The following FREM2 variants were observed in gnomAD, a reference collection of about 807,000 sequenced individuals.
FREM2 encodes FRAS1 related extracellular matrix 2, also known as FRAS1-related extracellular matrix protein 2.
In FREM2, 119 loss-of-function variants were observed where a neutral mutation model predicts 219.9. That is an observed-to-expected ratio of 0.54 (90% CI 0.47 to 0.63). The LOEUF is 0.63. FREM2 is among the 30% of genes least tolerant of loss of function. FREM2 has a pLI of 0.00. For missense variants in FREM2, 4,030 were observed against 3,993.6 expected (o/e 1.01, Z -0.25); for synonymous variants, 1,562 against 1,522.8 (o/e 1.03, Z -0.60).
At chr13:38,872,965 G>A (rs548221674) in intron 17 of FREM2, 31 bp downstream of exon 17, 1 of 1,601,820 alleles carries the variant, frequency 6.2e-7, no homozygotes, top group East Asian at 2.2e-5. Flanking sequence ...AAATTCTATA[G>A]TTTTGTAACC....
At chr13:38,856,068 TAG>T in intron 11 of FREM2, 56 bp from the exon 12 acceptor site, 5 of 847,354 alleles carry the variant, frequency 5.9e-6, no homozygotes, top group African/African-American at 2.1e-5. Context: ...AAAAAAAAAA[TAG>T]AAAACTTCTC....
At chr13:38,840,218 G>A (rs961825386) in intron 6 of FREM2, among the ~76,000 whole-genome samples, 6 of 152,044 alleles carry the variant, frequency 3.9e-5, no homozygotes, top group East Asian at 2.0e-4. Flanking sequence ...GGAGTTCCCC[G>A]ACCCCTTGCA....
At chr13:38,785,433 G>A (rs1040082209) in intron 6 of FREM2, among the ~76,000 whole-genome samples, 4 of 152,176 alleles carry the variant, frequency 2.6e-5, no homozygotes, top group Non-Finnish European at 4.4e-5. Context: ...GAGAGCAAAC[G>A]GAAATATTGT....
intron 2 of FREM2, among the ~76,000 whole-genome samples, chr13:38,716,046 G>T (rs1227706596): frequency 6.6e-6 from 1 of 152,102 alleles, no homozygotes. Flanking sequence ...GAAGGCAAAT[G>T]ATTTATTTTA....
At chr13:38,802,804 C>G (rs994950525) in intron 6 of FREM2, among the ~76,000 whole-genome samples, 10 of 152,176 alleles carry the variant, frequency 6.6e-5, no homozygotes, top group Non-Finnish European at 1.3e-4. Flanking sequence ...CTCCCTATGA[C>G]AATCACAAGC....
Position 38,690,585 on chromosome 13 carries a change from G to C in FREM2, c.3241G>C (p.Asp1081His). ...VGEQLIVMEG[D>H]KSVITSVHIS... ...TGAACAGTTGATAGTAATGGAAGGT[G>C]ATAAAAGTGTTATAACATCAGTGCA... Residue 1081 changes from aspartate (D) to histidine (H), a missense_variant, in exon 1 of 24, where the codon GAT becomes CAT. Physicochemically the swap from Asp to His is moderately conservative, Grantham distance 81 (BLOSUM62 -1). Around this residue, in one of 2 missense-constraint regions of FREM2, gnomAD observed 3,102 missense variants for 2,950.7 expected, o/e 1.05. Transcript: ENST00000280481. 1 of 1,614,086 alleles carries C rather than the reference G, an allele frequency of 6.2e-7. No individual in the cohort carries two copies. The highest frequency in any genetic ancestry group is 1.1e-5 in the South Asian group (1 of 91,086).
chr13:38,856,319 G>A (rs1877559684), intron 12 of FREM2, 63 bp downstream of exon 12: 1 of 1,449,836 alleles, frequency 6.9e-7, no homozygotes. Flanking sequence ...ATGCATAAAA[G>A]CAATCACATA....
chr13:38,864,771 G>T (rs1296272276), intron 16 of FREM2, 165 bp downstream of exon 16: 2 of 687,278 alleles, frequency 2.9e-6, no homozygotes, highest in Non-Finnish European at 5.2e-6. Flanking sequence ...GAAAATCCGT[G>T]TCTATTTCTT....
At chr13:38,754,883 G>GATTATTATTATTATT (rs1410276058) in intron 2 of FREM2, among the ~76,000 whole-genome samples, 1 of 83,942 alleles carries the variant, frequency 1.2e-5, no homozygotes, top group East Asian at 3.4e-4. Flanking sequence ...TGATGATGAT[G>GATTATTATTATTATT]ATGATGATGA....
chr13:38,841,534 C>T (rs1876964704), intron 6 of FREM2, among the ~76,000 whole-genome samples: 1 of 151,972 alleles, frequency 6.6e-6, no homozygotes. Context: ...TATTTGGGAA[C>T]CAGTGAAGGC....
At chr13:38,757,479 A>G (rs1032819905) in intron 2 of FREM2, among the ~76,000 whole-genome samples, 1 of 152,166 alleles carries the variant, frequency 6.6e-6, no homozygotes, top group African/African-American at 2.4e-5. Context: ...TGGCTATCCT[A>G]AAAATGGCCC....
intron 11 of FREM2, among the ~76,000 whole-genome samples, chr13:38,853,408 C>T (rs1329696914): frequency 6.6e-6 from 1 of 151,348 alleles, no homozygotes; most frequent in Non-Finnish European, 1.5e-5. Flanking sequence ...AACTTTATGT[C>T]CAATATTACA....
rs773104019 is a variant in FREM2, at chr13:38,689,560, G to A, written c.2216G>A (p.Arg739His). 37 of 1,613,200 alleles carry A rather than the reference G, an allele frequency of 2.3e-5. No homozygotes were observed. In the Admixed American group the frequency reaches 4.8e-4, roughly 21 times the overall value. Reference protein sequence around the residue: ...TDLDTDDRELRYTVTQPPTDT... With the variant: ...TDLDTDDRELHYTVTQPPTDT... The stretch of plus-strand genomic sequence containing the variant: ...CTGGACACAGATGACCGAGAACTAC[G>A]TTACACAGTGACTCAGCCCCCCACA... Residue 739 changes from arginine to histidine, a missense_variant, in exon 1 of 24, where the codon CGT (arginine) becomes CAT (histidine). Coordinates refer to ENST00000280481, the MANE Select transcript of FREM2 (RefSeq NM_207361.6).
At position 38,837,775 on chromosome 13, in the gene FREM2, G is replaced by GTTTTTTTT. The variant is rs1555270912; in HGVS notation, c.6020-8794_6020-8793insTTTTTTTT. Among the ~76,000 whole-genome samples, 23 of 128,822 alleles carry GTTTTTTTT rather than the reference G, an allele frequency of 1.8e-4. 2 individuals carry two copies. The highest frequency in any genetic ancestry group is 4.3e-4 in the Admixed American group (5 of 11,606). The allele number at this position is 128,822 out of a possible 152,430, so 84.5% of individuals were successfully genotyped here. A position where few individuals can be genotyped will look rare whatever the true frequency, so the allele number is the denominator to read the frequency against. ...GGATTGCAACCCCTGGTTTTTTTTT[G>GTTTTTTTT]TTTTGTTTTGTTTTGTTTTTGCTTT... is the stretch of plus-strand genomic sequence containing the variant. On this transcript the variant is annotated intron_variant, in intron 6 of 23. Transcript: ENST00000280481.
At chr13:38,790,258 G>A (rs1874507176) in intron 6 of FREM2, among the ~76,000 whole-genome samples, 1 of 152,010 alleles carries the variant, frequency 6.6e-6, no homozygotes, top group Non-Finnish European at 1.5e-5. Context: ...TTTATTCGTG[G>A]GGTTTCAGTT....
chr13:38,771,295 G>A (rs973177538), intron 4 of FREM2, among the ~76,000 whole-genome samples: 1 of 152,112 alleles, frequency 6.6e-6, no homozygotes, highest in African/African-American at 2.4e-5. Flanking sequence ...CCTGAACTTT[G>A]CACATATGCT....
intron 16 of FREM2, among the ~76,000 whole-genome samples, chr13:38,869,092 G>T (rs1374645821): frequency 6.6e-6 from 1 of 152,182 alleles, no homozygotes; most frequent in Non-Finnish European, 1.5e-5. Flanking sequence ...TAATCACTGT[G>T]CAAACACATT....
chr13:38,771,600 G>T (rs1179994744), intron 4 of FREM2, among the ~76,000 whole-genome samples: 1 of 152,090 alleles, frequency 6.6e-6, no homozygotes, highest in Non-Finnish European at 1.5e-5. Context: ...TTTTCTTAGT[G>T]TAGGCTATAC....
chr13:38,861,504 T>C lies in FREM2; in HGVS notation c.7593T>C (p.Pro2531=). 2 of 1,602,496 alleles carry C rather than the reference T, an allele frequency of 1.2e-6. No homozygotes were observed. The highest frequency in any genetic ancestry group is 1.3e-5 in the African/African-American group (1 of 74,718). The change falls in exon 15 of 24, where the codon CCT becomes CCC. Residue 2531 remains proline (P), a synonymous_variant. Coordinates refer to ENST00000280481, the MANE Select transcript of FREM2 (RefSeq NM_207361.6). ...PFSAKLRYTG[P]EDADYTNLIK... is the part of the protein sequence containing the mutation. ...CAGCTAAATTGCGCTACACAGGCCC[T>C]GAGGATGCAGACTACACAAACCTTA...
Sources: allele counts gnomAD v4.1 joint callset (sites outside exome capture counted in the v4.1 genomes callset), GRCh38; gene constraint gnomAD v4.1.1; regional missense constraint gnomAD v4.1.1; transcripts MANE v1.5; gene names NCBI Gene and HGNC (gene_info 2026-07-23, HGNC 2026-07-21).